Variants in USP22 observed in about 807,000 individuals in gnomAD.
USP22 encodes the protein ubiquitin carboxyl-terminal hydrolase 22.
USP22 carries 22 observed loss-of-function variants against 68.1 expected under a neutral mutation model. The observed-to-expected ratio is 0.32, with a 90% confidence interval of 0.23 to 0.46. USP22 has a LOEUF of 0.46. Ranked by LOEUF, USP22 falls within the 20% of genes least tolerant of loss-of-function variation. USP22 has a pLI of 1.00. For synonymous variants in USP22, 279 were observed against 274.2 expected (o/e 1.02, Z -0.17); for missense variants, 433 against 695.8 (o/e 0.62, Z 4.25).
rs192566208 is a variant in USP22, at chr17:21,008,356, A to C, written c.1104-360T>G. ...TTACTCACGAGAGTCACAAAACTGG[A>C]AACACCCCGTTTCTTCCCATGGCTG... is the stretch of plus-strand genomic sequence containing the variant. On this transcript the variant is annotated intron_variant, in intron 8 of 12. Coordinates refer to ENST00000261497, the MANE Select transcript of USP22 (RefSeq NM_015276.2). 9.8e-5 allele frequency among the ~76,000 whole-genome samples: 15 copies of C among 152,320 alleles called. No homozygotes were observed. The East Asian group carries it at 2.7e-3, about 27-fold the overall frequency.
At chr17:21,022,164 G>A (rs1427013006) in intron 2 of USP22, among the ~76,000 whole-genome samples, 1 of 152,098 alleles carries the variant, frequency 6.6e-6, no homozygotes, top group African/African-American at 2.4e-5. Context: ...CAAATAAGAA[G>A]AGATACATAT....
In USP22 at chr17:21,004,790, AT is replaced by A; in HGVS notation, c.1385+137del. 10 of 88,474 alleles carry A rather than the reference AT, an allele frequency of 1.1e-4. 4 individuals carry two copies. Among genetic ancestry groups the A allele is most frequent in the Admixed American group, 3.8e-4 (2 of 5,290 alleles). 5.5% of individuals were successfully genotyped at this position (88,474 alleles called of 1,614,324 possible). A position where few individuals can be genotyped will look rare whatever the true frequency, so the allele number is the denominator to read the frequency against. ...TTCCTAGTGGAGCTGCGGGCAGCCA[AT>A]AGTGGAGCTGCGGGCAGCCAAGCGG... On this transcript the variant is annotated intron_variant, in intron 11 of 12. Coordinates refer to ENST00000261497, the MANE Select transcript of USP22 (RefSeq NM_015276.2).
rs746984871 is a variant in USP22 at position 21,011,103 on chromosome 17, C to T, written c.1103+48G>A. On this transcript the variant is annotated intron_variant, in intron 8 of 12. Coordinates refer to ENST00000261497, the MANE Select transcript of USP22 (RefSeq NM_015276.2). The stretch of plus-strand genomic sequence containing the variant: ...TGCTTTGGTCCTGATGGAGCACAGC[C>T]TTCTGGCCAGGAGACACGCCCCCGC... The T allele has an allele frequency of 7.2e-6, 11 of 1,536,568 alleles. No individual in the cohort carries two copies. In the East Asian group the frequency reaches 1.6e-4, roughly 22 times the overall value.
intron 1 of USP22, among the ~76,000 whole-genome samples, chr17:21,033,178 T>C (rs1972313943): frequency 6.6e-6 from 1 of 152,102 alleles, no homozygotes; most frequent in Non-Finnish European, 1.5e-5. Context: ...GCTGGCGGGT[T>C]TTCCTAGAAA....
chr17:21,012,300 T>C (rs1464997071), intron 7 of USP22, among the ~76,000 whole-genome samples: 1 of 152,042 alleles, frequency 6.6e-6, no homozygotes, highest in Non-Finnish European at 1.5e-5. Context: ...TAGCATGCAC[T>C]GAGGTTGGGT....
In USP22 at chr17:21,007,984, T is replaced by C. The variant is rs771051681; in HGVS notation, c.1116A>G (p.Pro372=). The change falls in exon 9 of 13, where the codon CCA becomes CCG. Residue 372 remains proline (P), a synonymous_variant. Transcript: ENST00000261497. ...LTDCLRRFTR[P]EHLGSSAKIK... ...TCTTGGCGCTGCTGCCCAAGTGCTCTGGTCTGGTGAATCTACAGGCGTTCA... is the reference window on the plus strand; with the variant it reads ...TCTTGGCGCTGCTGCCCAAGTGCTCCGGTCTGGTGAATCTACAGGCGTTCA... 3.1e-6 allele frequency: 5 copies of C among 1,614,148 alleles called. No individual in the cohort carries two copies. The highest frequency in any genetic ancestry group is 3.4e-6 in the Non-Finnish European group (4 of 1,180,024).
At chr17:21,042,599 C>A (rs1972453787) in intron 1 of USP22, 66 bp downstream of exon 1, 3 of 1,258,106 alleles carry the variant, frequency 2.4e-6, no homozygotes, top group East Asian at 6.3e-5. Flanking sequence ...AAGGGCCCCT[C>A]CGCCGGCCGG....
intron 1 of USP22, among the ~76,000 whole-genome samples, chr17:21,041,544 G>A (rs1972431312): frequency 6.6e-6 from 1 of 152,164 alleles, no homozygotes; most frequent in Non-Finnish European, 1.5e-5. Context: ...ATTGTAGTGA[G>A]CCGAAATCGC....
chr17:21,028,644 C>A lies in USP22; in HGVS notation c.202G>T (p.Val68Phe), dbSNP rs770592022. The change falls in exon 2 of 13, where the codon GTC becomes TTC. Residue 68 changes from valine (V) to phenylalanine (F), a missense_variant. Physicochemically the swap from Val to Phe is conservative, Grantham distance 50. Around this residue, in one of 4 missense-constraint regions of USP22, gnomAD observed 144 missense variants for 237.2 expected, o/e 0.61. Coordinates refer to ENST00000261497, the MANE Select transcript of USP22 (RefSeq NM_015276.2). ...AKSCICHVCG[V>F]HLNRLHSCLY... ...CAGGAATGCAGCCTGTTGAGGTGGA[C>A]GCCACAGACATGGCAGATACAGGAC... 3 of 1,613,814 alleles carry A rather than the reference C, an allele frequency of 1.9e-6. No homozygotes were observed. The highest frequency in any genetic ancestry group is 2.5e-6 in the Non-Finnish European group (3 of 1,179,992).
chr17:21,000,700 G>C lies in USP22; in HGVS notation c.*2331C>G, dbSNP rs1253039714. The C allele has an allele frequency of 3.3e-5, 5 of 152,232 alleles. No homozygotes were observed. The highest frequency in any genetic ancestry group is 7.3e-5 in the Non-Finnish European group (5 of 68,056). The allele number at this position is 152,232 out of a possible 1,614,324, so 9.4% of individuals were successfully genotyped here. A position where few individuals can be genotyped will look rare whatever the true frequency, so the allele number is the denominator to read the frequency against. On this transcript the variant is annotated 3_prime_UTR_variant, in exon 13 of 13. Coordinates refer to ENST00000261497, the MANE Select transcript of USP22 (RefSeq NM_015276.2). ...GGTGGCAAGCCTTCATGAAGGCACT[G>C]CCCAGCTCACAATCCTGTGGGCCAA...
chr17:21,009,619 T>C (rs1913884536), intron 8 of USP22, among the ~76,000 whole-genome samples: 1 of 152,180 alleles, frequency 6.6e-6, no homozygotes, highest in South Asian at 2.1e-4. Context: ...TTTATTGGAA[T>C]TTATGATTAA....
intron 1 of USP22, among the ~76,000 whole-genome samples, chr17:21,034,793 A>G (rs1164118354): frequency 6.6e-6 from 1 of 152,234 alleles, no homozygotes; most frequent in African/African-American, 2.4e-5. Flanking sequence ...GAAAAGCCAT[A>G]AAGGGCTTCT....
At chr17:21,008,038 A>C (rs1913833180) in intron 8 of USP22, 42 bp from the exon 9 acceptor site, 2 of 1,592,120 alleles carry the variant, frequency 1.3e-6, no homozygotes, top group Non-Finnish European at 1.7e-6. Context: ...AGGGAGATGC[A>C]AGAGACAGAA....
intron 1 of USP22, among the ~76,000 whole-genome samples, chr17:21,041,910 T>A (rs1244281604): frequency 6.6e-6 from 1 of 152,180 alleles, no homozygotes. Context: ...AGTCTACTCC[T>A]CAGCCGCAAC....
intron 5 of USP22, among the ~76,000 whole-genome samples, chr17:21,016,841 C>A (rs1972088944): frequency 6.6e-6 from 1 of 152,156 alleles, no homozygotes; most frequent in African/African-American, 2.4e-5. Flanking sequence ...TGAGTAGCAG[C>A]AGTTACACAA....
intron 1 of USP22, 34 bp from the exon 2 acceptor site, chr17:21,028,708 TG>T (rs760696298): frequency 3.7e-6 from 6 of 1,608,016 alleles, no homozygotes; most frequent in Non-Finnish European, 5.1e-6. Context: ...GTGAACGCTG[TG>T]TGATAAGACA....
intron 5 of USP22, among the ~76,000 whole-genome samples, chr17:21,017,546 A>G (rs1005882305): frequency 2.6e-5 from 4 of 152,246 alleles, no homozygotes; most frequent in African/African-American, 7.2e-5. Context: ...GCATGCTTAG[A>G]GAGACCTGGC....
intron 1 of USP22, among the ~76,000 whole-genome samples, chr17:21,039,481 T>A (rs1340061037): frequency 6.6e-6 from 1 of 151,934 alleles, no homozygotes; most frequent in East Asian, 2.0e-4. Flanking sequence ...GGAGAATCAC[T>A]TAAACCCTGG....
intron 1 of USP22, among the ~76,000 whole-genome samples, chr17:21,033,674 G>T (rs1170867864): frequency 1.3e-5 from 2 of 152,128 alleles, no homozygotes; most frequent in Non-Finnish European, 2.9e-5. Flanking sequence ...TCTTAGGAAG[G>T]TAAGTTTAAT....
Sources: gnomAD v4.1 joint callset for allele counts (sites outside exome capture counted in the v4.1 genomes callset) on GRCh38, gnomAD v4.1.1 for gene constraint, gnomAD v4.1.1 regional missense constraint, MANE v1.5 for transcripts, NCBI Gene and HGNC (gene_info 2026-07-23, HGNC 2026-07-21) for gene names.